ITFG1: variants seen among roughly 807,000 people sequenced by gnomAD.
ITFG1 encodes T-cell immunomodulatory protein.
In ITFG1, 34 loss-of-function variants were observed where a neutral mutation model predicts 81.8. The ratio of observed to expected loss-of-function variants is 0.42; its 90% CI spans 0.32 to 0.55. The LOEUF is 0.55. ITFG1 is among the 20% of genes least tolerant of loss of function. The pLI, the probability that ITFG1 is intolerant of heterozygous loss-of-function variation, is 0.17. For missense variants in ITFG1, 672 were observed against 755.4 expected (o/e 0.89, Z 1.29); for synonymous variants, 285 against 270.6 (o/e 1.05, Z -0.52).
At chr16:47,324,008 T>C (rs1174888805) in intron 8 of ITFG1, among the ~76,000 whole-genome samples, 1 of 152,220 alleles carries the variant, frequency 6.6e-6, no homozygotes, top group East Asian at 1.9e-4. Context: ...TAGCTTTTCT[T>C]ACCAAAAATA....
chr16:47,179,577 G>C (rs1965075403), intron 14 of ITFG1, among the ~76,000 whole-genome samples: 1 of 152,032 alleles, frequency 6.6e-6, no homozygotes, highest in Admixed American at 6.5e-5. Flanking sequence ...TCATTGAATT[G>C]TACACTTAAG....
At chr16:47,306,054 G>C (rs114580703) in intron 10 of ITFG1, among the ~76,000 whole-genome samples, 3,094 of 152,224 alleles carry the variant, frequency 0.02, 104 homozygotes, top group African/African-American at 0.07. Context: ...GAGAGAACTA[G>C]AAGTGTCCTA....
At position 47,378,874 on chromosome 16, in the gene ITFG1, T is replaced by C. The variant is rs9930629; in HGVS notation, c.656-2934A>G. On this transcript the variant is annotated intron_variant, in intron 6 of 17. Transcript: ENST00000320640. ...TTTAATCAATGAAGCAATAAAGTTC[T>C]CACCCTCTCACATGGCTAAGAGTAA... Among the ~76,000 whole-genome samples, 632 of 152,300 alleles carry C rather than the reference T, an allele frequency of 4.1e-3. 6 individuals carry two copies. Among genetic ancestry groups the C allele is most frequent in the African/African-American group, 0.015 (604 of 41,562 alleles).
intron 10 of ITFG1, among the ~76,000 whole-genome samples, chr16:47,306,612 C>T (rs1279604970): frequency 6.6e-6 from 1 of 150,982 alleles, no homozygotes; most frequent in Non-Finnish European, 1.5e-5. Flanking sequence ...CAAGAGTAAA[C>T]TTCTATTAGT....
chr16:47,417,297 A>C (rs1968887123), intron 6 of ITFG1, among the ~76,000 whole-genome samples: 1 of 152,234 alleles, frequency 6.6e-6, no homozygotes, highest in Non-Finnish European at 1.5e-5. Flanking sequence ...CATTTTATAC[A>C]ACAGATTAAG....
chr16:47,395,375 T>C (rs1210619324), intron 6 of ITFG1, among the ~76,000 whole-genome samples: 1 of 152,210 alleles, frequency 6.6e-6, no homozygotes, highest in African/African-American at 2.4e-5. Flanking sequence ...ACCATGATCA[T>C]TTATGTTCAT....
chr16:47,383,053 C>G (rs926450021), intron 6 of ITFG1, among the ~76,000 whole-genome samples: 4 of 152,052 alleles, frequency 2.6e-5, no homozygotes, highest in South Asian at 2.1e-4. Context: ...AGGTCAGGAC[C>G]TTAAGGAATT....
chr16:47,315,356 A>T (rs1439145988), intron 8 of ITFG1, among the ~76,000 whole-genome samples: 1 of 152,200 alleles, frequency 6.6e-6, no homozygotes, highest in African/African-American at 2.4e-5. Flanking sequence ...GTAAGAAAGA[A>T]CTAATACAAA....
chr16:47,416,975 T>C (rs1968883336), intron 6 of ITFG1, among the ~76,000 whole-genome samples: 1 of 152,250 alleles, frequency 6.6e-6, no homozygotes, highest in Non-Finnish European at 1.5e-5. Context: ...TGCTTACTAT[T>C]ACCTGTTATT....
intron 14 of ITFG1, among the ~76,000 whole-genome samples, chr16:47,172,510 A>G (rs1596782652): frequency 1.3e-5 from 2 of 150,412 alleles, no homozygotes; most frequent in Non-Finnish European, 3.0e-5. Flanking sequence ...CAACCAAAAA[A>G]CCCCCCATAA....
At chr16:47,426,382 T>A (rs1019474875) in intron 6 of ITFG1, 1 of 151,660 alleles carries the variant, frequency 6.6e-6, no homozygotes, top group Non-Finnish European at 1.5e-5. Flanking sequence ...AAAGTTTGGA[T>A]GTGTGTGTAT....
chr16:47,456,130 T>C (rs1486551905), intron 2 of ITFG1, among the ~76,000 whole-genome samples: 2 of 152,148 alleles, frequency 1.3e-5, no homozygotes, highest in African/African-American at 4.8e-5. Context: ...AGCCCAGGAT[T>C]AGGTGCCTAC....
chr16:47,409,374 C>CTACA (rs1968770942), intron 6 of ITFG1, among the ~76,000 whole-genome samples: 1 of 20,986 alleles, frequency 4.8e-5, no homozygotes, highest in South Asian at 2.9e-3. Flanking sequence ...TACACACACA[C>CTACA]TATATATATA....
intron 6 of ITFG1, among the ~76,000 whole-genome samples, chr16:47,419,202 G>T: frequency 6.6e-6 from 1 of 152,212 alleles, no homozygotes; most frequent in East Asian, 1.9e-4. Context: ...AAGGTGGAGC[G>T]TAGTTGCTAT....
At chr16:47,216,676 T>A (rs147470489) in intron 14 of ITFG1, among the ~76,000 whole-genome samples, 2,627 of 152,174 alleles carry the variant, frequency 0.017, 241 homozygotes, top group Admixed American at 0.14. Flanking sequence ...TTATTTATTT[T>A]TTTTTGAGAC....
intron 14 of ITFG1, among the ~76,000 whole-genome samples, chr16:47,177,190 G>A (rs1459999926): frequency 6.6e-6 from 1 of 151,930 alleles, no homozygotes; most frequent in Admixed American, 6.6e-5. Context: ...AGCTGGTTTC[G>A]AGCTCTGAGC....
At chr16:47,334,546 T>C (rs1967678137) in intron 8 of ITFG1, among the ~76,000 whole-genome samples, 1 of 152,232 alleles carries the variant, frequency 6.6e-6, no homozygotes, top group South Asian at 2.1e-4. Context: ...TTTCATTGTG[T>C]TTTTGGTCAA....
chr16:47,341,662 G>C (rs958212222), intron 8 of ITFG1, among the ~76,000 whole-genome samples: 2 of 152,002 alleles, frequency 1.3e-5, no homozygotes, highest in African/African-American at 4.8e-5. Flanking sequence ...CATTAGAAAA[G>C]ATTTAAAAAA....
intron 14 of ITFG1, among the ~76,000 whole-genome samples, chr16:47,178,934 C>T (rs1429241476): frequency 6.6e-6 from 1 of 152,206 alleles, no homozygotes; most frequent in Non-Finnish European, 1.5e-5. Flanking sequence ...ACAGACACTT[C>T]TCAAAAGAAG....
Sources: allele counts gnomAD v4.1 joint callset (sites outside exome capture counted in the v4.1 genomes callset), GRCh38; gene constraint gnomAD v4.1.1; transcripts MANE v1.5; gene names NCBI Gene and HGNC (gene_info 2026-07-23, HGNC 2026-07-21).